PHF24: variants seen among roughly 807,000 people sequenced by gnomAD.
PHF24 encodes Galpha inhibitory interacting protein.
Under a neutral mutation model 42.6 loss-of-function variants are expected in PHF24, and 25 were observed. The ratio of observed to expected loss-of-function variants is 0.59; its 90% CI spans 0.43 to 0.82. The LOEUF (loss-of-function observed/expected upper bound fraction) is 0.82, where lower values mean the gene tolerates loss of function less well. PHF24 is among the 40% of genes least tolerant of loss of function. PHF24 has a pLI of 0.00. For synonymous variants in PHF24, 185 were observed against 204.8 expected (o/e 0.90, Z 0.83); for missense variants, 470 against 538.1 (o/e 0.87, Z 1.25).
At chr9:34,835,800 A>G in the PHF24 span, 1 of 1,534,556 alleles carries the variant, frequency 6.5e-7, no homozygotes, top group Non-Finnish European at 8.8e-7. Flanking sequence ...TTGGGTTTAT[A>G]GATGCCAGTG....
At chr9:34,783,260 G>T in the PHF24 span, among the ~76,000 whole-genome samples, 82,623 of 151,972 alleles carry the variant, frequency 0.54, 24,026 homozygotes, top group Middle Eastern at 0.65. Context: ...GTTACACTGC[G>T]CCATCTTATC....
the PHF24 span, chr9:34,691,218 G>A: frequency 4.5e-6 from 6 of 1,329,504 alleles, no homozygotes; most frequent in African/African-American, 2.9e-5. Context: ...GTGTGAGGCT[G>A]CAGGGCGACT....
the PHF24 span, chr9:34,917,178 A>C: frequency 1.4e-6 from 2 of 1,420,438 alleles, no homozygotes; most frequent in Admixed American, 1.7e-5. Context: ...TTCCACCATG[A>C]CCACCTCAGC....
At chr9:34,890,496 A>C in the PHF24 span, among the ~76,000 whole-genome samples, 1 of 152,270 alleles carries the variant, frequency 6.6e-6, no homozygotes, top group Non-Finnish European at 1.5e-5. Context: ...CCCAGTGGGC[A>C]TGGGGTACTG....
chr9:34,786,283 A>G, the PHF24 span, among the ~76,000 whole-genome samples: 250 of 152,376 alleles, frequency 1.6e-3, no homozygotes, highest in African/African-American at 5.1e-3. Flanking sequence ...TTAATTATCA[A>G]GTACACATAC....
the PHF24 span, chr9:34,838,317 A>G: frequency 1.4e-6 from 1 of 737,412 alleles, no homozygotes; most frequent in African/African-American, 1.7e-5. Flanking sequence ...CTGAGGCTTA[A>G]TTAGTTCAGT....
chr9:34,920,947 A>G, the PHF24 span, among the ~76,000 whole-genome samples: 1 of 152,226 alleles, frequency 6.6e-6, no homozygotes, highest in African/African-American at 2.4e-5. Flanking sequence ...TCTGCAAACA[A>G]GAAAAATTTG....
the PHF24 span, among the ~76,000 whole-genome samples, chr9:34,941,104 G>A: frequency 6.6e-6 from 1 of 152,086 alleles, no homozygotes; most frequent in South Asian, 2.1e-4. Context: ...GGGTAAGTGG[G>A]GTTACTCCTG....
At chr9:34,939,469 GAGA>G in the PHF24 span, among the ~76,000 whole-genome samples, 1 of 152,176 alleles carries the variant, frequency 6.6e-6, no homozygotes, top group Non-Finnish European at 1.5e-5. Context: ...CCTGACCCCT[GAGA>G]AGGAGAGGAG....
At chr9:34,858,451 G>T in the PHF24 span, among the ~76,000 whole-genome samples, 3 of 152,182 alleles carry the variant, frequency 2.0e-5, no homozygotes, top group African/African-American at 7.2e-5. Context: ...CAATGCTGGG[G>T]TGAGTAGGGA....
the PHF24 span, among the ~76,000 whole-genome samples, chr9:34,774,449 G>A: frequency 6.6e-6 from 1 of 152,100 alleles, no homozygotes; most frequent in East Asian, 1.9e-4. Flanking sequence ...AAAGACTTGA[G>A]AAGGCATTTC....
the PHF24 span, among the ~76,000 whole-genome samples, chr9:34,772,077 G>C: frequency 6.6e-6 from 1 of 152,166 alleles, no homozygotes; most frequent in African/African-American, 2.4e-5. Flanking sequence ...CCTTACAAAG[G>C]TTTCAGCTCA....
chr9:34,763,078 C>T, the PHF24 span, among the ~76,000 whole-genome samples: 43 of 152,266 alleles, frequency 2.8e-4, no homozygotes, highest in South Asian at 8.3e-4. Context: ...GGTACCAGTA[C>T]CATGCTGTTT....
the PHF24 span, among the ~76,000 whole-genome samples, chr9:34,716,107 A>G: frequency 6.6e-6 from 1 of 152,062 alleles, no homozygotes; most frequent in African/African-American, 2.4e-5. Context: ...TTCTCAGCGG[A>G]GCATTGAGCC....
upstream of PHF24, among the ~76,000 whole-genome samples, chr9:34,954,999 TTAAG>T (rs1826336635): frequency 6.6e-6 from 1 of 152,242 alleles, no homozygotes; most frequent in Admixed American, 6.5e-5. Context: ...AATATTCTCT[TTAAG>T]TATTATTTTT....
chr9:34,938,335 G>A, the PHF24 span, among the ~76,000 whole-genome samples: 1 of 152,148 alleles, frequency 6.6e-6, no homozygotes, highest in Non-Finnish European at 1.5e-5. Context: ...GCCCACCCCA[G>A]GAATACAAAG....
the PHF24 span, among the ~76,000 whole-genome samples, chr9:34,929,057 C>T: frequency 6.6e-6 from 1 of 152,176 alleles, no homozygotes; most frequent in East Asian, 1.9e-4. Context: ...TTCCCTCCCC[C>T]ACCTCCATGT....
chr9:34,726,318 A>C, the PHF24 span: 1 of 1,537,512 alleles, frequency 6.5e-7, no homozygotes, highest in South Asian at 1.2e-5. Context: ...GGGAGCCCCC[A>C]CCTCTGGAAA....
the PHF24 span, among the ~76,000 whole-genome samples, chr9:34,763,892 G>C: frequency 6.6e-6 from 1 of 152,184 alleles, no homozygotes; most frequent in Non-Finnish European, 1.5e-5. Flanking sequence ...AATTTGTTGA[G>C]AGTTTTTAGC....
Sources: gnomAD v4.1 joint callset for allele counts (sites outside exome capture counted in the v4.1 genomes callset) on GRCh38, gnomAD v4.1.1 for gene constraint, MANE v1.5 for transcripts, NCBI Gene and HGNC (gene_info 2026-07-23, HGNC 2026-07-21) for gene names.